The following CACNA2D4 variants were observed in gnomAD, a reference collection of about 807,000 sequenced individuals.
CACNA2D4 encodes the protein calcium voltage-gated channel auxiliary subunit alpha2delta 4, also known as voltage-dependent calcium channel subunit alpha-2/delta-4.
A neutral mutation model predicts 163.8 loss-of-function variants in CACNA2D4; 157 were observed. The observed-to-expected ratio is 0.96, with a 90% CI of 0.84 to 1.09. CACNA2D4 has a LOEUF of 1.09. Among genes scored for constraint, CACNA2D4 ranks in the 50% least tolerant of loss-of-function variants. The probability of loss-of-function intolerance (pLI) is 0.00; values close to 1 mark genes in which losing one functional copy is unlikely to be tolerated. For missense variants in CACNA2D4, 1,410 were observed against 1,479.9 expected, an observed-to-expected ratio of 0.95 and a Z score of 0.78; for synonymous variants, 598 against 586.9, an observed-to-expected ratio of 1.02 and a Z score of -0.27.
At chr12:1,914,040 G>A (rs1265196037) in intron 2 of CACNA2D4, among the ~76,000 whole-genome samples, 2 of 152,214 alleles carry the variant, frequency 1.3e-5, no homozygotes, top group Non-Finnish European at 2.9e-5. Flanking sequence ...GCCTGTGGGG[G>A]CCCGGGGAGC....
At chr12:1,894,018 A>G (rs1415106796) in intron 6 of CACNA2D4, among the ~76,000 whole-genome samples, 2 of 152,200 alleles carry the variant, frequency 1.3e-5, no homozygotes, top group East Asian at 1.9e-4. Flanking sequence ...CTAACCAAGA[A>G]CAAAGAGAGA....
Position 1,887,180 on chromosome 12 carries a change from G to C in CACNA2D4, c.782-111C>G, listed in dbSNP as rs546525717. 489 of 726,218 alleles carry C rather than the reference G, an allele frequency of 6.7e-4. 4 individuals are homozygous for C. In the South Asian group the frequency reaches 7.3e-3, roughly 11 times the overall value. The allele number at this position is 726,218 out of a possible 1,614,324, so 45.0% of individuals were successfully genotyped here. A position where few individuals can be genotyped will look rare whatever the true frequency, so the allele number is the denominator to read the frequency against. On this transcript the variant is annotated intron_variant, in intron 6 of 37. Transcript: ENST00000382722. ...TGATCCCCAGGGCAGAACAGCTTTG[G>C]AGCTAGGGAACAGGGTGGGGAACAC...
At chr12:1,885,115 G>T in intron 9 of CACNA2D4, 39 bp from the exon 10 acceptor site, 1 of 1,525,154 alleles carries the variant, frequency 6.6e-7, no homozygotes, top group Non-Finnish European at 9.1e-7. Context: ...TCAGGGGGTT[G>T]AGTGGGCCAG....
chr12:1,907,818 T>C, intron 5 of CACNA2D4, 57 bp downstream of exon 5: 1 of 1,588,486 alleles, frequency 6.3e-7, no homozygotes, highest in African/African-American at 1.3e-5. Flanking sequence ...GCGTGTCTGG[T>C]GGGTGTGCTA....
chr12:1,802,011 T>A lies in CACNA2D4; in HGVS notation c.2722-367A>T, dbSNP rs1863349282. ...GTTTTATGAAACTGGATTTGTTTTA[T>A]ATGCTGTGTGTGTGTGTGTGTGTGT... On this transcript the variant is annotated intron_variant, in intron 29 of 37. Transcript: ENST00000382722. This position sits in a 1 kb window ranked among gnomAD's most constrained non-coding sequence, Gnocchi z 4.7. 7.0e-6 allele frequency among the ~76,000 whole-genome samples: 1 copy of A among 143,050 alleles called. No homozygotes were observed. Among genetic ancestry groups the A allele is most frequent in the East Asian group, 2.1e-4 (1 of 4,802 alleles). The allele number at this position is 143,050 out of a possible 152,430, so 93.8% of individuals were successfully genotyped here.
intron 13 of CACNA2D4, among the ~76,000 whole-genome samples, chr12:1,882,139 A>G (rs1264516903): frequency 6.6e-6 from 1 of 152,208 alleles, no homozygotes; most frequent in Non-Finnish European, 1.5e-5. Context: ...CATGAGGATG[A>G]GGGCCACATG....
At chr12:1,864,710 C>A (rs1337908556) in intron 18 of CACNA2D4, among the ~76,000 whole-genome samples, 1 of 152,252 alleles carries the variant, frequency 6.6e-6, no homozygotes, top group Non-Finnish European at 1.5e-5. Flanking sequence ...CAGATCCGAA[C>A]TGGTTGCCTT....
rs770409112 is a variant in CACNA2D4 at position 1,858,664 on chromosome 12, G to C, written c.1941-20C>G. On this transcript the variant is annotated intron_variant, in intron 19 of 37. Coordinates refer to ENST00000382722, the MANE Select transcript of CACNA2D4 (RefSeq NM_172364.5). Reference sequence around the variant, plus strand: ...CCCAAACTGTGGGGAGAGAAGAGAAGGCACTCATTCAGCAGCAGCAGATGC... The same window carrying C: ...CCCAAACTGTGGGGAGAGAAGAGAACGCACTCATTCAGCAGCAGCAGATGC... 6.4e-7 allele frequency: 1 copy of C among 1,571,784 alleles called. No homozygotes were observed. The highest frequency in any genetic ancestry group is 1.2e-5 in the South Asian group (1 of 85,474).
intron 6 of CACNA2D4, among the ~76,000 whole-genome samples, chr12:1,900,840 CG>C (rs1445265937): frequency 2.6e-5 from 4 of 152,162 alleles, no homozygotes; most frequent in African/African-American, 9.7e-5. Flanking sequence ...ATCTGCACTA[CG>C]GGCCAAATAG....
chr12:1,894,929 A>G (rs1866366384), intron 6 of CACNA2D4, among the ~76,000 whole-genome samples: 1 of 152,224 alleles, frequency 6.6e-6, no homozygotes, highest in African/African-American at 2.4e-5. Flanking sequence ...TCCAAATTGG[A>G]AAAGAGGAAG....
At chr12:1,848,736 A>G (rs1046450306) in intron 23 of CACNA2D4, among the ~76,000 whole-genome samples, 2 of 148,732 alleles carry the variant, frequency 1.3e-5, no homozygotes, top group African/African-American at 2.5e-5. Context: ...GTATTTTAAT[A>G]TATTTCATAT....
chr12:1,812,356 T>C (rs1863740378), intron 26 of CACNA2D4, among the ~76,000 whole-genome samples: 1 of 152,194 alleles, frequency 6.6e-6, no homozygotes, highest in Non-Finnish European at 1.5e-5. Flanking sequence ...TTGATGACTG[T>C]GCTTACAAGG....
intron 6 of CACNA2D4, among the ~76,000 whole-genome samples, chr12:1,902,689 T>C (rs1297685998): frequency 6.6e-6 from 1 of 151,964 alleles, no homozygotes; most frequent in African/African-American, 2.4e-5. Flanking sequence ...AGGAAAATTA[T>C]AAAATATTGA....
intron 10 of CACNA2D4, 24 bp downstream of exon 10, chr12:1,884,963 C>T (rs1386904349): frequency 6.2e-7 from 1 of 1,610,108 alleles, no homozygotes; most frequent in African/African-American, 1.3e-5. Flanking sequence ...GTCCTCCCCT[C>T]CCAGGCCTCA....
In CACNA2D4 at chr12:1,913,238, C is replaced by T. The variant is rs371378494; in HGVS notation, c.310-99G>A. 39 of 819,566 alleles carry T rather than the reference C, an allele frequency of 4.8e-5. 1 individual carries two copies. Among genetic ancestry groups the T allele is most frequent in the East Asian group, 1.6e-4 (6 of 38,074 alleles). The allele number at this position is 819,566 out of a possible 1,614,324, so 50.8% of individuals were successfully genotyped here. On this transcript the variant is annotated intron_variant, in intron 2 of 37. Coordinates refer to ENST00000382722, the MANE Select transcript of CACNA2D4 (RefSeq NM_172364.5). ...CTCCAACCTCTCCACAGATGCATTC[C>T]GGCACATGGAGCCTGGTTTACTCAA...
intron 22 of CACNA2D4, among the ~76,000 whole-genome samples, chr12:1,855,050 A>T (rs935528469): frequency 1.3e-4 from 20 of 152,158 alleles, no homozygotes; most frequent in African/African-American, 4.6e-4. Context: ...GCTTAACAGG[A>T]TCTCCTTTAA....
chr12:1,799,914 A>ACCCAC lies in CACNA2D4; in HGVS notation c.2974+81_2974+85dup. 2 of 1,442,036 alleles carry ACCCAC rather than the reference A, an allele frequency of 1.4e-6. No individual in the cohort carries two copies. The highest frequency in any genetic ancestry group is 2.5e-5 in the South Asian group (2 of 81,126). 89.3% of individuals were successfully genotyped at this position (1,442,036 alleles called of 1,614,324 possible). A position where few individuals can be genotyped will look rare whatever the true frequency, so the allele number is the denominator to read the frequency against. On this transcript the variant is annotated intron_variant, in intron 33 of 37. Transcript: ENST00000382722. This position sits in a 1 kb window ranked among gnomAD's most constrained non-coding sequence, Gnocchi z 4.7. ...TTCAGGGTCACCTATCCCCACTGTC[A>ACCCAC]CCCACCCCACAGGGAATGGTCTCAC...
At chr12:1,858,177 G>C (rs1329479478) in intron 20 of CACNA2D4, among the ~76,000 whole-genome samples, 1 of 152,208 alleles carries the variant, frequency 6.6e-6, no homozygotes, top group East Asian at 1.9e-4. Flanking sequence ...TGTGCTGGGA[G>C]CCTTAGCAAA....
Position 1,806,572 on chromosome 12 carries a change from G to A in CACNA2D4, c.2721+3706C>T, listed in dbSNP as rs1863546374. ...CCAGGCCCCTGGGTAAGCCCTAGCA[G>A]GGACAAGGAGTCGCTGGAAGCCTTT... On this transcript the variant is annotated intron_variant, in intron 29 of 37. Coordinates refer to ENST00000382722, the MANE Select transcript of CACNA2D4 (RefSeq NM_172364.5). This position sits in a 1 kb window ranked among gnomAD's most constrained non-coding sequence, Gnocchi z 4.1. Among the ~76,000 whole-genome samples the A allele has an allele frequency of 6.6e-6, 1 of 152,210 alleles. No individual in the cohort carries two copies. The highest frequency in any genetic ancestry group is 1.5e-5 in the Non-Finnish European group (1 of 68,040).
Sources: allele counts gnomAD v4.1 joint callset (sites outside exome capture counted in the v4.1 genomes callset), GRCh38; gene constraint gnomAD v4.1.1; non-coding constraint Gnocchi (gnomAD v3.1); transcripts MANE v1.5; gene names NCBI Gene and HGNC (gene_info 2026-07-23, HGNC 2026-07-21).